DENND4C: variants seen among roughly 807,000 people sequenced by gnomAD.
The protein encoded by DENND4C is DENN domain-containing protein 4C.
A neutral mutation model predicts 203.0 loss-of-function variants in DENND4C; 108 were observed. The observed-to-expected ratio is 0.53, with a 90% CI of 0.46 to 0.62. The LOEUF (loss-of-function observed/expected upper bound fraction) is 0.62, where lower values mean the gene tolerates loss of function less well. Ranked by LOEUF, DENND4C falls within the 20% of genes least tolerant of loss-of-function variation. The probability of loss-of-function intolerance (pLI) is 0.00; values close to 1 mark genes in which losing one functional copy is unlikely to be tolerated. For synonymous variants in DENND4C, 871 were observed against 792.4 expected, an observed-to-expected ratio of 1.10 and a Z score of -1.67; for missense variants, 2,481 against 2,301.2, an observed-to-expected ratio of 1.08 and a Z score of -1.60.
At chr9:19,250,335 A>G (rs545685729) in intron 1 of DENND4C, among the ~76,000 whole-genome samples, 3 of 152,236 alleles carry the variant, frequency 2.0e-5, no homozygotes, top group South Asian at 2.1e-4. Context: ...TCCCAGCTAC[A>G]TGGGAGGCTG....
intron 30 of DENND4C, among the ~76,000 whole-genome samples, chr9:19,368,653 TTAGC>T (rs1190529590): frequency 6.6e-6 from 1 of 151,844 alleles, no homozygotes; most frequent in African/African-American, 2.4e-5. Flanking sequence ...AAATAAAAAA[TTAGC>T]TAGATGTGGT....
chr9:19,353,741 T>G (rs1042603187), intron 26 of DENND4C, among the ~76,000 whole-genome samples: 1 of 152,084 alleles, frequency 6.6e-6, no homozygotes, highest in African/African-American at 2.4e-5. Context: ...GAGACCAGCC[T>G]GGGCAACATG....
chr9:19,261,779 C>T (rs901251516), intron 1 of DENND4C, among the ~76,000 whole-genome samples: 1 of 152,002 alleles, frequency 6.6e-6, no homozygotes, highest in Non-Finnish European at 1.5e-5. Context: ...TGCTGGGATA[C>T]AGACATGAGC....
rs766700841 is a variant in DENND4C at position 19,304,713 on chromosome 9, CT to C, written c.1312-622del. ...CACCACGTCTGGCTAATTTTTTGTACTTTTTTTTTTTTTTTTTAGTAGAGAC... is the reference window on the plus strand; with the variant it reads ...CACCACGTCTGGCTAATTTTTTGTACTTTTTTTTTTTTTTTTAGTAGAGAC... On this transcript the variant is annotated intron_variant, in intron 9 of 32. Transcript: ENST00000434457. Among the ~76,000 whole-genome samples the C allele has an allele frequency of 9.5e-3, 1,264 of 133,134 alleles. 16 individuals carry two copies. Among genetic ancestry groups the C allele is most frequent in the African/African-American group, 0.028 (1,005 of 36,438 alleles). 87.3% of individuals were successfully genotyped at this position (133,134 alleles called of 152,430 possible).
intron 1 of DENND4C, among the ~76,000 whole-genome samples, chr9:19,238,399 G>A (rs1016802199): frequency 7.3e-5 from 11 of 150,364 alleles, no homozygotes; most frequent in Non-Finnish European, 1.5e-4. Flanking sequence ...ATTTCTAGTG[G>A]TTGCTAGCAG....
intron 26 of DENND4C, among the ~76,000 whole-genome samples, 162 bp from the exon 27 acceptor site, chr9:19,356,810 A>AGAGAGAGAGAGAGAGTGAGT (rs1447525810): frequency 4.1e-5 from 6 of 146,694 alleles, no homozygotes; most frequent in Middle Eastern, 6.9e-3. Context: ...AGAGAGAGAG[A>AGAGAGAGAGAGAGAGTGAGT]GAGAGAGTGA....
intron 19 of DENND4C, 48 bp downstream of exon 19, chr9:19,336,462 T>G (rs1024128910): frequency 1.3e-6 from 2 of 1,560,214 alleles, no homozygotes; most frequent in South Asian, 2.4e-5. Flanking sequence ...CCATGAGCTT[T>G]ATAGGCATAT....
intron 16 of DENND4C, among the ~76,000 whole-genome samples, chr9:19,329,578 T>C (rs1277186155): frequency 6.6e-6 from 1 of 152,214 alleles, no homozygotes; most frequent in Non-Finnish European, 1.5e-5. Context: ...AGTAAATTGC[T>C]ATGTCAGATG....
chr9:19,296,140 T>G lies in DENND4C; in HGVS notation c.934T>G (p.Cys312Gly). ...MVSKSINTNKCICLLSHWPFF... is the reference protein window; with the variant it reads ...MVSKSINTNKGICLLSHWPFF... ...CTCCAAATCCATCAATACAAACAAA[T>G]GCATTTGTTTACTCTCACACTGGCC... The change falls in exon 6 of 33, where the codon TGC becomes GGC. Residue 312 changes from cysteine (C) to glycine (G), a missense_variant. Transcript: ENST00000434457. 6.2e-7 allele frequency: 1 copy of G among 1,613,976 alleles called. No homozygotes were observed. The highest frequency in any genetic ancestry group is 1.3e-5 in the African/African-American group (1 of 75,014).
intron 12 of DENND4C, among the ~76,000 whole-genome samples, chr9:19,320,488 T>A (rs899292106): frequency 3.5e-4 from 53 of 152,340 alleles, no homozygotes; most frequent in African/African-American, 1.2e-3. Flanking sequence ...CGTGAGCCAC[T>A]GCGCTCGGCC....
chr9:19,368,274 TTTC>T (rs202246180), intron 30 of DENND4C, among the ~76,000 whole-genome samples: 4,061 of 144,724 alleles, frequency 0.028, 177 homozygotes, highest in African/African-American at 0.1. Flanking sequence ...TTTTTTTTTT[TTTC>T]GGTTTAACAC....
intron 1 of DENND4C, among the ~76,000 whole-genome samples, chr9:19,247,459 A>G (rs1825572758): frequency 6.6e-6 from 1 of 152,168 alleles, no homozygotes; most frequent in Non-Finnish European, 1.5e-5. Context: ...ACAGTGATGC[A>G]ATTATAGCTC....
chr9:19,359,616 T>TC lies in DENND4C; in HGVS notation c.5161-625dup, dbSNP rs1714961607. On this transcript the variant is annotated intron_variant, in intron 28 of 32. Coordinates refer to ENST00000434457, the MANE Select transcript of DENND4C (RefSeq NM_001330640.2). ...AGCTGTTTCTCTAAGAAACTGTGGGTCCCTTTAGAGGGAAATGGTTTTGGA... is the reference window on the plus strand; with the variant it reads ...AGCTGTTTCTCTAAGAAACTGTGGGTCCCCTTTAGAGGGAAATGGTTTTGGA... Among the ~76,000 whole-genome samples, 3 of 151,874 alleles carry TC rather than the reference T, an allele frequency of 2.0e-5. No individual in the cohort carries two copies. The South Asian group carries it at 6.2e-4, about 32-fold the overall frequency.
chr9:19,353,082 G>A (rs1008222859), intron 26 of DENND4C, among the ~76,000 whole-genome samples: 4 of 152,120 alleles, frequency 2.6e-5, no homozygotes, highest in African/African-American at 9.7e-5. Flanking sequence ...GCTGCAGTGA[G>A]TATATATTTT....
In DENND4C at chr9:19,328,074, C is replaced by G; in HGVS notation, c.2165C>G (p.Pro722Arg). Reference protein sequence around the residue: ...PRLDLKLFDRPQELKLCFSRH... With the variant: ...PRLDLKLFDRRQELKLCFSRH... ...CTGGACCTTAAGCTTTTTGACAGAC[C>G]GCAGGAGTTGAAACTTTGTTTTAGT... The change falls in exon 16 of 33, where the codon CCG (proline) becomes CGG (arginine). Residue 722 changes from proline to arginine, a missense_variant. Transcript: ENST00000434457. 1.9e-6 allele frequency: 3 copies of G among 1,612,708 alleles called. No homozygotes were observed. The highest frequency in any genetic ancestry group is 2.5e-6 in the Non-Finnish European group (3 of 1,179,520).
intron 9 of DENND4C, 120 bp downstream of exon 9, chr9:19,300,451 A>T: frequency 1.0e-6 from 1 of 976,994 alleles, no homozygotes. Context: ...AGGAACTTTG[A>T]AAAATTTCCA....
Position 19,345,752 on chromosome 9 carries a change from A to G in DENND4C, c.3152-169A>G, listed in dbSNP as rs73648904. ...AAATGTCCCTGGGAGGCAAGTTTTA[A>G]ATAGCTTTTCCAGTGCACTTTTTTT... is the stretch of plus-strand genomic sequence containing the variant. On this transcript the variant is annotated intron_variant, in intron 22 of 32. Coordinates refer to ENST00000434457, the MANE Select transcript of DENND4C (RefSeq NM_001330640.2). 3.1e-3 allele frequency among the ~76,000 whole-genome samples: 472 copies of G among 152,344 alleles called. 2 individuals carry two copies. Among genetic ancestry groups the G allele is most frequent in the African/African-American group, 0.01 (423 of 41,582 alleles).
chr9:19,344,268 A>T (rs1822313550), intron 22 of DENND4C, among the ~76,000 whole-genome samples: 1 of 152,222 alleles, frequency 6.6e-6, no homozygotes, highest in South Asian at 2.1e-4. Context: ...AAAAACACAA[A>T]TGAGAATCCT....
At position 19,352,323 on chromosome 9, in the gene DENND4C, T is replaced by C. The variant is rs1289201380; in HGVS notation, c.4605+141T>C. On this transcript the variant is annotated intron_variant, in intron 25 of 32. Coordinates refer to ENST00000434457, the MANE Select transcript of DENND4C (RefSeq NM_001330640.2). Reference sequence around the variant, plus strand: ...TTTGTTGAATTTGCTTGATGTCTTATGTAAGTAAGACATTGAACTGGTAGT... The same window carrying C: ...TTTGTTGAATTTGCTTGATGTCTTACGTAAGTAAGACATTGAACTGGTAGT... 2.2e-5 allele frequency: 22 copies of C among 998,684 alleles called. No individual in the cohort carries two copies. In the East Asian group the frequency reaches 3.1e-4, roughly 14 times the overall value. The allele number at this position is 998,684 out of a possible 1,614,324, so 61.9% of individuals were successfully genotyped here. A position where few individuals can be genotyped will look rare whatever the true frequency, so the allele number is the denominator to read the frequency against.
Sources: allele counts gnomAD v4.1 joint callset (sites outside exome capture counted in the v4.1 genomes callset), GRCh38; gene constraint gnomAD v4.1.1; transcripts MANE v1.5; gene names NCBI Gene and HGNC (gene_info 2026-07-23, HGNC 2026-07-21).